DCC: variants seen among roughly 807,000 people sequenced by gnomAD.
The protein encoded by DCC is netrin receptor DCC.
In DCC, 58 loss-of-function variants were observed where a neutral mutation model predicts 172.5. The observed-to-expected ratio is 0.34, with a 90% CI of 0.27 to 0.42. The LOEUF (loss-of-function observed/expected upper bound fraction) is 0.42, where lower values mean the gene tolerates loss of function less well. Ranked by LOEUF, DCC falls within the 10% of genes least tolerant of loss-of-function variation. The pLI is 1.00. For synonymous variants in DCC, 709 were observed against 644.5 expected, an observed-to-expected ratio of 1.10 and a Z score of -1.52; for missense variants, 1,740 against 1,791.0, an observed-to-expected ratio of 0.97 and a Z score of 0.51.
At chr18:52,482,113 G>A (rs953054380) in intron 1 of DCC, among the ~76,000 whole-genome samples, 4 of 152,028 alleles carry the variant, frequency 2.6e-5, no homozygotes, top group South Asian at 2.1e-4. Context: ...CATATGCAAC[G>A]CTTAATACCA....
At chr18:53,285,211 T>C (rs898655324) in intron 12 of DCC, among the ~76,000 whole-genome samples, 4 of 152,098 alleles carry the variant, frequency 2.6e-5, no homozygotes, top group Admixed American at 2.0e-4. Context: ...ATAGGGAAAA[T>C]GTCTCCAACG....
At chr18:53,053,435 T>C (rs2144045970) in intron 5 of DCC, among the ~76,000 whole-genome samples, 1 of 152,326 alleles carries the variant, frequency 6.6e-6, no homozygotes, top group South Asian at 2.1e-4. Context: ...TGTCGATGTA[T>C]ATACTAGGAT....
rs554471829 is a variant in DCC at position 52,890,627 on chromosome 18, A to G, written c.413-15417A>G. 2.1e-3 allele frequency among the ~76,000 whole-genome samples: 315 copies of G among 152,228 alleles called. 1 individual carries two copies. Among genetic ancestry groups the G allele is most frequent in the African/African-American group, 7.2e-3 (299 of 41,562 alleles). Reference sequence around the variant, plus strand: ...ATCACTCATAGGTGGCCCCAGATTGATGAACTCTGTTGGTATCTTAATAGA... The same window carrying G: ...ATCACTCATAGGTGGCCCCAGATTGGTGAACTCTGTTGGTATCTTAATAGA... On this transcript the variant is annotated intron_variant, in intron 2 of 28. Transcript: ENST00000442544.
chr18:52,898,328 C>A (rs913511546), intron 2 of DCC, among the ~76,000 whole-genome samples: 2 of 152,232 alleles, frequency 1.3e-5, no homozygotes, highest in Admixed American at 1.3e-4. Flanking sequence ...GAAGAATGTG[C>A]CATTTTCAGA....
At chr18:53,211,999 G>A (rs897576563) in intron 11 of DCC, among the ~76,000 whole-genome samples, 1 of 152,144 alleles carries the variant, frequency 6.6e-6, no homozygotes, top group Non-Finnish European at 1.5e-5. Context: ...AGTGAGCCTA[G>A]ATCACACCAC....
intron 12 of DCC, among the ~76,000 whole-genome samples, chr18:53,248,962 T>G (rs28444913): frequency 0.38 from 58,168 of 151,852 alleles, 11,852 homozygotes; most frequent in East Asian, 0.59. Flanking sequence ...TGCCTGAAAG[T>G]TCCAATTTTA....
chr18:52,881,903 T>C (rs1281007985), intron 2 of DCC, among the ~76,000 whole-genome samples: 5 of 152,138 alleles, frequency 3.3e-5, no homozygotes, highest in Non-Finnish European at 7.4e-5. Flanking sequence ...TGTGGAAATT[T>C]TAAAAATACT....
chr18:53,308,750 C>T (rs2057231273), intron 13 of DCC, among the ~76,000 whole-genome samples: 1 of 152,182 alleles, frequency 6.6e-6, no homozygotes, highest in Non-Finnish European at 1.5e-5. Flanking sequence ...AGTACGGCAA[C>T]TATTAGCTTT....
At chr18:53,079,194 A>T (rs1182061487) in intron 7 of DCC, among the ~76,000 whole-genome samples, 1 of 152,120 alleles carries the variant, frequency 6.6e-6, no homozygotes, top group Non-Finnish European at 1.5e-5. Flanking sequence ...CATAAATGGA[A>T]AAAAGAATGG....
At chr18:53,036,090 ATCTT>A (rs1391218196) in intron 5 of DCC, among the ~76,000 whole-genome samples, 1 of 152,008 alleles carries the variant, frequency 6.6e-6, no homozygotes, top group Non-Finnish European at 1.5e-5. Context: ...GTATCAATTT[ATCTT>A]TCTTTCAGAT....
At chr18:52,433,347 A>G (rs1987686549) in intron 1 of DCC, among the ~76,000 whole-genome samples, 1 of 152,198 alleles carries the variant, frequency 6.6e-6, no homozygotes, top group Admixed American at 6.5e-5. Flanking sequence ...TCATTTGAAT[A>G]TCATTTGGGT....
intron 2 of DCC, among the ~76,000 whole-genome samples, chr18:52,850,676 T>C (rs1456069140): frequency 6.6e-6 from 1 of 152,052 alleles, no homozygotes; most frequent in African/African-American, 2.4e-5. Context: ...GTAACTGGAA[T>C]TACACATTCA....
At chr18:52,868,063 G>A (rs1471170089) in intron 2 of DCC, among the ~76,000 whole-genome samples, 2 of 147,172 alleles carry the variant, frequency 1.4e-5, no homozygotes, top group Admixed American at 6.8e-5. Flanking sequence ...ATGTGTGTGT[G>A]TGTGTGTGTG....
intron 1 of DCC, among the ~76,000 whole-genome samples, chr18:52,511,015 A>G (rs1022623200): frequency 2.6e-5 from 4 of 152,152 alleles, no homozygotes; most frequent in Non-Finnish European, 5.9e-5. Context: ...TTTGTCTCTA[A>G]GTTTTTCAAG....
At chr18:53,312,340 CAAA>C (rs1218591102) in intron 13 of DCC, among the ~76,000 whole-genome samples, 1 of 17,534 alleles carries the variant, frequency 5.7e-5, no homozygotes, top group East Asian at 5.4e-3. Flanking sequence ...GACTCTGTCT[CAAA>C]AAAAAAAAAA....
At chr18:52,601,365 G>A (rs1308983234) in intron 1 of DCC, among the ~76,000 whole-genome samples, 1 of 151,346 alleles carries the variant, frequency 6.6e-6, no homozygotes, top group Non-Finnish European at 1.5e-5. Context: ...TTTTTCCCCT[G>A]TTTTGAAGTG....
At chr18:53,321,924 C>T (rs2057415777) in intron 13 of DCC, 123 bp from the exon 14 acceptor site, 2 of 750,748 alleles carry the variant, frequency 2.7e-6, no homozygotes, top group Non-Finnish European at 4.9e-6. Flanking sequence ...ATTACCACAA[C>T]AGTCACAAAC....
At chr18:53,438,306 A>T (rs1016601850) in intron 22 of DCC, among the ~76,000 whole-genome samples, 1 of 152,232 alleles carries the variant, frequency 6.6e-6, no homozygotes, top group African/African-American at 2.4e-5. Context: ...ACTACTGAGC[A>T]GTGGTTATGA....
chr18:52,916,400 A>G (rs1256501385), intron 3 of DCC, among the ~76,000 whole-genome samples: 1 of 152,208 alleles, frequency 6.6e-6, no homozygotes, highest in Non-Finnish European at 1.5e-5. Flanking sequence ...TTTGCAAAAC[A>G]TGTATCTGCC....
Sources: allele counts gnomAD v4.1 joint callset (sites outside exome capture counted in the v4.1 genomes callset), GRCh38; gene constraint gnomAD v4.1.1; transcripts MANE v1.5; gene names NCBI Gene and HGNC (gene_info 2026-07-23, HGNC 2026-07-21).